NKAIN2: variants seen among roughly 807,000 people sequenced by gnomAD.
The protein encoded by NKAIN2 is sodium/potassium transporting ATPase interacting 2.
Under a neutral mutation model 32.6 loss-of-function variants are expected in NKAIN2, and 14 were observed. The ratio of observed to expected loss-of-function variants is 0.43; its 90% CI spans 0.28 to 0.67. The LOEUF (loss-of-function observed/expected upper bound fraction) is 0.67. NKAIN2 is among the 30% of genes least tolerant of loss of function. The pLI, the probability that NKAIN2 is intolerant of heterozygous loss-of-function variation, is 0.17. For missense variants in NKAIN2, 198 were observed against 258.3 expected (o/e 0.77, Z 1.60); for synonymous variants, 80 against 87.2 (o/e 0.92, Z 0.46).
intron 4 of NKAIN2, among the ~76,000 whole-genome samples, chr6:124,733,432 C>T (rs1464072784): frequency 1.3e-5 from 2 of 151,700 alleles, no homozygotes; most frequent in South Asian, 2.1e-4. Context: ...GATCAGAAAA[C>T]GTTCTGACAT....
At chr6:124,307,970 T>TA (rs869064388) in intron 2 of NKAIN2, among the ~76,000 whole-genome samples, 19 of 152,142 alleles carry the variant, frequency 1.2e-4, no homozygotes, top group Admixed American at 1.1e-3. Flanking sequence ...TAACTTTCTT[T>TA]AAAAAAAATT....
intron 3 of NKAIN2, among the ~76,000 whole-genome samples, chr6:124,589,367 A>G (rs1378264270): frequency 1.3e-5 from 2 of 152,198 alleles, no homozygotes; most frequent in Non-Finnish European, 2.9e-5. Flanking sequence ...TCTACCCTCA[A>G]TGGGAAGTAC....
intron 1 of NKAIN2, among the ~76,000 whole-genome samples, chr6:124,057,174 A>G (rs374422544): frequency 6.1e-4 from 93 of 152,170 alleles, no homozygotes; most frequent in Middle Eastern, 3.4e-3. Context: ...GTAAAAATCA[A>G]TCTTTTTGGA....
At chr6:124,576,327 G>C (rs763672946) in intron 3 of NKAIN2, among the ~76,000 whole-genome samples, 1 of 142,354 alleles carries the variant, frequency 7.0e-6, no homozygotes, top group Non-Finnish European at 1.6e-5. Context: ...TGGTTTTACA[G>C]ATTTCAATAT....
chr6:124,019,736 G>T (rs1780779071), intron 1 of NKAIN2, among the ~76,000 whole-genome samples: 1 of 151,900 alleles, frequency 6.6e-6, no homozygotes, highest in East Asian at 1.9e-4. Flanking sequence ...AAACTTATTT[G>T]TTTTTTTCAT....
At chr6:124,234,094 C>T (rs764566871) in intron 1 of NKAIN2, among the ~76,000 whole-genome samples, 13 of 152,096 alleles carry the variant, frequency 8.5e-5, no homozygotes, top group Non-Finnish European at 1.6e-4. Flanking sequence ...TCTCACTTTC[C>T]AGCTCTTTCT....
At chr6:123,899,835 G>C (rs144735323) in intron 1 of NKAIN2, among the ~76,000 whole-genome samples, 5 of 151,358 alleles carry the variant, frequency 3.3e-5, no homozygotes, top group Admixed American at 6.6e-5. Context: ...ACACACACAG[G>C]GTGCAGCCCT....
At chr6:124,411,969 A>G (rs1283827625) in intron 3 of NKAIN2, among the ~76,000 whole-genome samples, 1 of 152,120 alleles carries the variant, frequency 6.6e-6, no homozygotes, top group Admixed American at 6.6e-5. Flanking sequence ...CCAGTTGATT[A>G]CATTGGTTAC....
intron 3 of NKAIN2, among the ~76,000 whole-genome samples, chr6:124,625,950 ATTAT>A (rs1783313488): frequency 6.6e-6 from 1 of 151,224 alleles, no homozygotes; most frequent in Non-Finnish European, 1.5e-5. Context: ...TAAAAATTTT[ATTAT>A]TATTATACTT....
At chr6:123,840,519 CAAT>C (rs1015318003) in intron 1 of NKAIN2, among the ~76,000 whole-genome samples, 8 of 151,950 alleles carry the variant, frequency 5.3e-5, no homozygotes, top group Non-Finnish European at 1.0e-4. Context: ...TGAAGAAAAA[CAAT>C]AATAATTTTT....
At chr6:124,053,938 A>T (rs1782524273) in intron 1 of NKAIN2, among the ~76,000 whole-genome samples, 1 of 152,070 alleles carries the variant, frequency 6.6e-6, no homozygotes, top group Non-Finnish European at 1.5e-5. Flanking sequence ...TTAAAAATTT[A>T]AAACTATTGG....
intron 1 of NKAIN2, among the ~76,000 whole-genome samples, chr6:123,827,077 A>G (rs1022134250): frequency 2.0e-5 from 3 of 151,938 alleles, no homozygotes; most frequent in African/African-American, 7.3e-5. Flanking sequence ...TCTGATTTCC[A>G]TTTCCCTAAT....
chr6:124,389,732 TG>T, intron 3 of NKAIN2, among the ~76,000 whole-genome samples: 1 of 151,624 alleles, frequency 6.6e-6, no homozygotes, highest in African/African-American at 2.4e-5. Context: ...TGTGTGTGTG[TG>T]TGTGTGTGTG....
intron 1 of NKAIN2, among the ~76,000 whole-genome samples, chr6:123,942,526 A>C (rs1049798145): frequency 3.3e-5 from 5 of 152,002 alleles, no homozygotes; most frequent in Non-Finnish European, 5.9e-5. Flanking sequence ...CGCAAGACTA[A>C]ATTTTACCCT....
intron 1 of NKAIN2, among the ~76,000 whole-genome samples, chr6:123,889,174 T>C (rs1237469590): frequency 6.6e-6 from 1 of 152,150 alleles, no homozygotes; most frequent in Non-Finnish European, 1.5e-5. Flanking sequence ...CAGCTTTTCA[T>C]GCTTCCATTG....
intron 3 of NKAIN2, among the ~76,000 whole-genome samples, chr6:124,570,875 G>C (rs548149109): frequency 1.1e-4 from 16 of 152,282 alleles, no homozygotes; most frequent in African/African-American, 3.4e-4. Context: ...CATGCTCCTG[G>C]AAAAGCTGCA....
intron 1 of NKAIN2, among the ~76,000 whole-genome samples, chr6:123,853,961 C>T (rs1007514865): frequency 1.3e-5 from 2 of 151,818 alleles, no homozygotes; most frequent in African/African-American, 4.8e-5. Context: ...TTAGTTGAGA[C>T]GGGGTTTCAC....
chr6:124,233,509 G>T (rs802307), intron 1 of NKAIN2, among the ~76,000 whole-genome samples: 86,323 of 152,020 alleles, frequency 0.57, 27,168 homozygotes, highest in South Asian at 0.72. Context: ...CCATTCCATG[G>T]CTTTGGAAGG....
chr6:124,439,358 G>GT lies in NKAIN2; in HGVS notation c.273+84023dup, dbSNP rs35754541. 1.5e-3 allele frequency among the ~76,000 whole-genome samples: 225 copies of GT among 146,494 alleles called. 1 individual carries two copies. Among genetic ancestry groups the GT allele is most frequent in the South Asian group, 4.3e-3 (20 of 4,598 alleles). ...AAATCTCTCAATCTATCCACTTGTT[G>GT]TTTTTTTTTTTTATCTCCATGAAAC... On this transcript the variant is annotated intron_variant, in intron 3 of 6. Coordinates refer to ENST00000368417, the MANE Select transcript of NKAIN2 (RefSeq NM_001040214.3).
Sources: gnomAD v4.1 joint callset for allele counts (sites outside exome capture counted in the v4.1 genomes callset) on GRCh38, gnomAD v4.1.1 for gene constraint, MANE v1.5 for transcripts, NCBI Gene and HGNC (gene_info 2026-07-23, HGNC 2026-07-21) for gene names.